ADGRG3: variants seen among roughly 807,000 people sequenced by gnomAD.
The protein encoded by ADGRG3 is G protein-coupled receptor 97.
In ADGRG3, 39 loss-of-function variants were observed where a neutral mutation model predicts 54.3. The observed-to-expected ratio is 0.72, with a 90% CI of 0.56 to 0.94. ADGRG3 has a LOEUF of 0.94. Among genes scored for constraint, ADGRG3 ranks in the 40% least tolerant of loss-of-function variants. The probability of loss-of-function intolerance (pLI) is 0.00; values close to 1 mark genes in which losing one functional copy is unlikely to be tolerated. For synonymous variants in ADGRG3, 312 were observed against 290.0 expected (o/e 1.08, Z -0.77); for missense variants, 654 against 694.6 (o/e 0.94, Z 0.66).
chr16:57,676,468 G>C (rs1481978758), intron 3 of ADGRG3, 130 bp downstream of exon 3: 2 of 807,986 alleles, frequency 2.5e-6, no homozygotes, highest in East Asian at 5.1e-5. Flanking sequence ...CCAATTGGCA[G>C]AGCTGCGTCT....
At chr16:57,685,392 C>T (rs200693754) in intron 10 of ADGRG3, among the ~76,000 whole-genome samples, 7 of 152,204 alleles carry the variant, frequency 4.6e-5, no homozygotes, top group Admixed American at 1.3e-4. Context: ...ATTTTAAAGG[C>T]GGCCACTAAT....
intron 1 of ADGRG3, among the ~76,000 whole-genome samples, chr16:57,671,833 A>G (rs914208897): frequency 1.3e-4 from 20 of 152,316 alleles, no homozygotes; most frequent in African/African-American, 4.8e-4. Flanking sequence ...GTTTGCAACT[A>G]TATAAAGAAT....
intron 2 of ADGRG3, among the ~76,000 whole-genome samples, chr16:57,673,925 G>A (rs1325428590): frequency 6.6e-6 from 1 of 152,186 alleles, no homozygotes; most frequent in African/African-American, 2.4e-5. Flanking sequence ...TAACTGCAAT[G>A]CTTTGAACTG....
chr16:57,680,549 C>T lies in ADGRG3; in HGVS notation c.813C>T (p.Ile271=). 1 of 1,614,042 alleles carries T rather than the reference C, an allele frequency of 6.2e-7. No homozygotes were observed. The highest frequency in any genetic ancestry group is 1.1e-5 in the South Asian group (1 of 91,068). ...CCACGGTGCATATCCTCACACGCAT[C>T]TCCCAGGCGGGCTGTGGGGTCTCCA... ...DQSTVHILTR[I]SQAGCGVSMI... Residue 271 remains isoleucine, a synonymous_variant, in exon 8 of 12, where the codon ATC becomes ATT. Transcript: ENST00000333493.
At chr16:57,678,460 G>A in intron 4 of ADGRG3, 144 bp downstream of exon 4, 2 of 721,684 alleles carry the variant, frequency 2.8e-6, no homozygotes, top group Non-Finnish European at 4.6e-6. Flanking sequence ...TGCAGCCCGT[G>A]GCCATCTCAG....
intron 1 of ADGRG3, among the ~76,000 whole-genome samples, chr16:57,671,977 A>G (rs2048169512): frequency 6.6e-6 from 1 of 152,140 alleles, no homozygotes; most frequent in Admixed American, 6.5e-5. Context: ...TGGGCAACAC[A>G]GCAAAACCCT....
intron 2 of ADGRG3, among the ~76,000 whole-genome samples, chr16:57,674,151 GC>G (rs1430369960): frequency 6.6e-6 from 1 of 152,130 alleles, no homozygotes; most frequent in African/African-American, 2.4e-5. Context: ...GACCGGTGAT[GC>G]AGGAAGACAT....
intron 11 of ADGRG3, among the ~76,000 whole-genome samples, chr16:57,688,116 A>G (rs1408960232): frequency 2.6e-5 from 4 of 152,162 alleles, no homozygotes; most frequent in Admixed American, 2.6e-4. Flanking sequence ...TCTTTTCTGT[A>G]ATAGGCATAG....
At chr16:57,682,802 C>T (rs1361185214) in intron 8 of ADGRG3, among the ~76,000 whole-genome samples, 3 of 151,764 alleles carry the variant, frequency 2.0e-5, no homozygotes, top group East Asian at 3.9e-4. Context: ...GAGCCCCTGC[C>T]CTGCTCTGTG....
intron 1 of ADGRG3, among the ~76,000 whole-genome samples, chr16:57,672,352 C>T (rs2048178420): frequency 6.6e-6 from 1 of 152,058 alleles, no homozygotes; most frequent in African/African-American, 2.4e-5. Context: ...ATAGTGAGAA[C>T]CCCCTCTTCT....
intron 1 of ADGRG3, among the ~76,000 whole-genome samples, chr16:57,669,765 C>G (rs1567850060): frequency 6.6e-6 from 1 of 152,168 alleles, no homozygotes; most frequent in South Asian, 2.1e-4. Flanking sequence ...ACCACTTGGC[C>G]CCTGCCCTCA....
In ADGRG3 at chr16:57,684,061, C is replaced by T. The variant is rs772245630; in HGVS notation, c.1011C>T (p.Ala337=). The T allele has an allele frequency of 6.2e-6, 10 of 1,613,978 alleles. No individual in the cohort carries two copies. Among genetic ancestry groups the T allele is most frequent in the Non-Finnish European group, 6.8e-6 (8 of 1,180,000 alleles). Reference sequence around the variant, plus strand: ...GTGGCTCAAAGGGGTCTGATGCTGCCTGCTGGGCCCGGGGGGCTGTCTTCC... The same window carrying T: ...GTGGCTCAAAGGGGTCTGATGCTGCTTGCTGGGCCCGGGGGGCTGTCTTCC... ...VGSGSKGSDA[A]CWARGAVFHY... is the part of the protein sequence containing the mutation. The change falls in exon 9 of 12, where the codon GCC becomes GCT. Residue 337 remains alanine, a synonymous_variant. Coordinates refer to ENST00000333493, the MANE Select transcript of ADGRG3 (RefSeq NM_170776.5).
chr16:57,684,429 A>G lies in ADGRG3; in HGVS notation c.1202A>G (p.Asn401Ser), dbSNP rs2048435075. Residue 401 changes from asparagine (N) to serine (S), a missense_variant, in exon 10 of 12, where the codon AAC becomes AGC. Coordinates refer to ENST00000333493, the MANE Select transcript of ADGRG3 (RefSeq NM_170776.5). The part of the protein sequence containing the change: ...ALMVIGTGSA[N>S]SYGLYTIRDR... The stretch of plus-strand genomic sequence containing the variant: ...ATGGTCATCGGCACTGGGAGTGCCA[A>G]CAGCTACGGCCTCTACACCATCCGT... The G allele has an allele frequency of 6.2e-7, 1 of 1,613,814 alleles. No homozygotes were observed. The highest frequency in any genetic ancestry group is 8.5e-7 in the Non-Finnish European group (1 of 1,179,962).
intron 1 of ADGRG3, among the ~76,000 whole-genome samples, chr16:57,671,906 C>T (rs916338173): frequency 6.6e-5 from 10 of 152,192 alleles, no homozygotes; most frequent in Non-Finnish European, 1.5e-4. Flanking sequence ...GCCTATAAAT[C>T]GCAGCACTTT....
rs528017845 is a variant in ADGRG3, at chr16:57,679,673, G to C, written c.628-143G>C. 1.6e-5 allele frequency: 12 copies of C among 750,340 alleles called. No individual in the cohort carries two copies. In the South Asian group the frequency reaches 1.8e-4, roughly 11 times the overall value. The allele number at this position is 750,340 out of a possible 1,614,324, so 46.5% of individuals were successfully genotyped here. On this transcript the variant is annotated intron_variant, in intron 5 of 11. Coordinates refer to ENST00000333493, the MANE Select transcript of ADGRG3 (RefSeq NM_170776.5). ...ATCAAATGGTGCACTTAATTTTTCT[G>C]TGTGGCCCATGGGTGTGAACCTTGC...
intron 8 of ADGRG3, 80 bp from the exon 9 acceptor site, chr16:57,683,852 G>T (rs2048420880): frequency 8.5e-7 from 1 of 1,179,834 alleles, no homozygotes; most frequent in Admixed American, 2.5e-5. Context: ...ATAGGCTATT[G>T]GGGTGGACAG....
chr16:57,678,843 G>C, intron 4 of ADGRG3: 1 of 396,612 alleles, frequency 2.5e-6, no homozygotes, highest in Non-Finnish European at 4.7e-6. Flanking sequence ...ACCCTCAGGG[G>C]CACGCTATCC....
upstream of ADGRG3, among the ~76,000 whole-genome samples, chr16:57,665,812 G>A (rs535775107): frequency 6.6e-6 from 1 of 152,198 alleles, no homozygotes; most frequent in Non-Finnish European, 1.5e-5. Flanking sequence ...CCCAGCAGGG[G>A]AAGAGGCTCA....
At chr16:57,676,387 G>T (rs368138567) in intron 3 of ADGRG3, 49 bp downstream of exon 3, 12 of 1,571,290 alleles carry the variant, frequency 7.6e-6, no homozygotes, top group Non-Finnish European at 9.6e-6. Context: ...TATTTTTCTT[G>T]GACGTATATT....
Sources: allele counts gnomAD v4.1 joint callset (sites outside exome capture counted in the v4.1 genomes callset), GRCh38; gene constraint gnomAD v4.1.1; transcripts MANE v1.5; gene names NCBI Gene and HGNC (gene_info 2026-07-23, HGNC 2026-07-21).